ZNF584: variants seen among roughly 807,000 people sequenced by gnomAD.
The protein encoded by ZNF584 is zinc finger protein 584.
ZNF584 carries 12 observed loss-of-function variants against 14.7 expected under a neutral mutation model. The ratio of observed to expected loss-of-function variants is 0.82; its 90% CI spans 0.52 to 1.32. The LOEUF (loss-of-function observed/expected upper bound fraction) is 1.32, where lower values mean the gene tolerates loss of function less well. ZNF584 is among the 40% of genes most tolerant of loss of function. The probability of loss-of-function intolerance (pLI) is 0.00; values close to 1 mark genes in which losing one functional copy is unlikely to be tolerated. For synonymous variants in ZNF584, 204 were observed against 190.9 expected, an observed-to-expected ratio of 1.07 and a Z score of -0.57; for missense variants, 478 against 518.8, an observed-to-expected ratio of 0.92 and a Z score of 0.76.
rs573876905 is a variant in ZNF584, at chr19:58,410,053, A to T, written c.131A>T (p.Asp44Val). 3.7e-6 allele frequency: 6 copies of T among 1,613,638 alleles called. No individual in the cohort carries two copies. In the Admixed American group the frequency reaches 1.0e-4, roughly 27 times the overall value. The change falls in exon 2 of 4, where the codon GAT (aspartate) becomes GTT (valine). Residue 44 changes from aspartate to valine, a missense_variant. Asp to Val is a radical substitution (Grantham distance 152). Transcript: ENST00000306910. ...GTGACCCAGAAGGGCCTATACCGGG[A>T]TGTGATGCTGGAGAACTTTGCACTC... Reference protein sequence around the residue: ...LNVTQKGLYRDVMLENFALVS... With the variant: ...LNVTQKGLYRVVMLENFALVS...
chr19:58,417,415 G>A lies in ZNF584; in HGVS notation c.897G>A (p.Glu299=). The part of the protein sequence containing the change: ...RKVHIGERPY[E]CTECGKFFKY... ...TGCACATTGGAGAAAGGCCCTATGA[G>A]TGTACAGAATGTGGGAAGTTCTTTA... is the stretch of plus-strand genomic sequence containing the variant. The change falls in exon 4 of 4, where the codon GAG becomes GAA. Residue 299 remains glutamate, a synonymous_variant. Coordinates refer to ENST00000306910, the MANE Select transcript of ZNF584 (RefSeq NM_173548.3). The A allele has an allele frequency of 6.2e-7, 1 of 1,603,818 alleles. No individual in the cohort carries two copies. The highest frequency in any genetic ancestry group is 8.5e-7 in the Non-Finnish European group (1 of 1,171,500).
At chr19:58,413,988 T>TG (rs891265839) in intron 2 of ZNF584, among the ~76,000 whole-genome samples, 9 of 151,262 alleles carry the variant, frequency 5.9e-5, no homozygotes, top group Non-Finnish European at 8.9e-5. Context: ...CTGGCTAATT[T>TG]TTTTTTGTAT....
rs916813135 is a variant in ZNF584, at chr19:58,417,854, C to T, written c.*70C>T. 7.2e-6 allele frequency: 11 copies of T among 1,523,726 alleles called. No homozygotes were observed. The highest frequency in any genetic ancestry group is 5.2e-5 in the South Asian group (4 of 76,514). The allele number at this position is 1,523,726 out of a possible 1,614,324, so 94.4% of individuals were successfully genotyped here. On this transcript the variant is annotated 3_prime_UTR_variant, in exon 4 of 4. Coordinates refer to ENST00000306910, the MANE Select transcript of ZNF584 (RefSeq NM_173548.3). ...GGAGAGTGGCCGTGAGAGTGCCATC[C>T]GAAAGAAGCTAAACCTTGCACATCC...
chr19:58,413,512 A>AT (rs766038598), intron 2 of ZNF584, among the ~76,000 whole-genome samples: 3,182 of 135,824 alleles, frequency 0.023, 46 homozygotes, highest in Non-Finnish European at 0.034. Flanking sequence ...TGCCTGGCTA[A>AT]TTTTTTTTTT....
At chr19:58,413,015 A>T (rs982715295) in intron 2 of ZNF584, among the ~76,000 whole-genome samples, 2 of 152,112 alleles carry the variant, frequency 1.3e-5, no homozygotes, top group African/African-American at 4.8e-5. Context: ...ATTCCTGTTC[A>T]AAGTAGTATT....
chr19:58,407,866 G>A (rs2052487526), upstream of ZNF584, among the ~76,000 whole-genome samples: 1 of 152,172 alleles, frequency 6.6e-6, no homozygotes, highest in Admixed American at 6.5e-5. Flanking sequence ...GACGTACTCA[G>A]CCATGTACTC....
chr19:58,401,680 G>A (rs2052431722), intron 1 of ZNF584: 1 of 150,660 alleles, frequency 6.6e-6, no homozygotes, highest in African/African-American at 2.4e-5. Context: ...GCAAGCGAGA[G>A]ACCAGTCCCT....
chr19:58,410,887 G>T (rs1211199172), intron 2 of ZNF584, among the ~76,000 whole-genome samples: 1 of 135,048 alleles, frequency 7.4e-6, no homozygotes, highest in East Asian at 2.5e-4. Context: ...TGCCTCCAGG[G>T]TTCAAGCGAT....
At chr19:58,401,772 T>C (rs991323915) in intron 1 of ZNF584, 22 of 149,068 alleles carry the variant, frequency 1.5e-4, no homozygotes, top group African/African-American at 5.0e-4. Flanking sequence ...CCCGCGGGCT[T>C]AAGTTGTCTG....
chr19:58,416,000 C>T (rs910237599), intron 3 of ZNF584: 12 of 1,570,400 alleles, frequency 7.6e-6, no homozygotes, highest in Non-Finnish European at 1.0e-5. Context: ...ATTTTGGAAT[C>T]ACATTTTGCT....
intron 3 of ZNF584, 127 bp downstream of exon 3, chr19:58,415,773 C>G (rs774412840): frequency 9.9e-6 from 16 of 1,611,504 alleles, no homozygotes; most frequent in Non-Finnish European, 1.4e-5. Flanking sequence ...CCTTTCCTGT[C>G]TTATGTGGAC....
intron 2 of ZNF584, among the ~76,000 whole-genome samples, chr19:58,410,675 G>GTATATATGTATATATGTGTA (rs1555785614): frequency 4.1e-5 from 2 of 48,890 alleles, no homozygotes; most frequent in East Asian, 3.5e-4. Flanking sequence ...GTATATATGT[G>GTATATATGTATATATGTGTA]TATATATATG....
At chr19:58,406,302 G>A (rs1278027622), upstream of ZNF584, 12 of 139,762 alleles carry the variant, frequency 8.6e-5, no homozygotes, top group Non-Finnish European at 1.4e-4. Flanking sequence ...CAGCAGTACC[G>A]TCCAGCTTCG....
chr19:58,412,341 C>CT (rs1414437571), intron 2 of ZNF584, among the ~76,000 whole-genome samples: 1 of 151,406 alleles, frequency 6.6e-6, no homozygotes, highest in Non-Finnish European at 1.5e-5. Context: ...TCCCGAGTAG[C>CT]TGGGACTACA....
In ZNF584 at chr19:58,418,047, C is replaced by G. The variant is rs1384150391; in HGVS notation, c.*263C>G. On this transcript the variant is annotated 3_prime_UTR_variant, in exon 4 of 4. Coordinates refer to ENST00000306910, the MANE Select transcript of ZNF584 (RefSeq NM_173548.3). ...CATAAGGTCCCTACAGCAAGTGGGACAGCAGACCTTGTGCTCCTTGCTCTA... is the reference window on the plus strand; with the variant it reads ...CATAAGGTCCCTACAGCAAGTGGGAGAGCAGACCTTGTGCTCCTTGCTCTA... 5 of 496,130 alleles carry G rather than the reference C, an allele frequency of 1.0e-5. No homozygotes were observed. The highest frequency in any genetic ancestry group is 1.8e-5 in the Non-Finnish European group (5 of 277,524). The allele number at this position is 496,130 out of a possible 1,614,324, so 30.7% of individuals were successfully genotyped here.
chr19:58,408,997 T>G lies in ZNF584; in HGVS notation c.-151T>G. The G allele has an allele frequency of 9.9e-7, 1 of 1,006,622 alleles. No homozygotes were observed. Among genetic ancestry groups the G allele is most frequent in the South Asian group, 1.9e-5 (1 of 51,942 alleles). The allele number at this position is 1,006,622 out of a possible 1,614,324, so 62.4% of individuals were successfully genotyped here. A position where few individuals can be genotyped will look rare whatever the true frequency, so the allele number is the denominator to read the frequency against. ...CCGTACCGTCCTCCTTCCCAGCGGC[T>G]CCGGGAAGCGGTTCCCTGTCTTCGG... On this transcript the variant is annotated 5_prime_UTR_variant, in exon 1 of 4. Transcript: ENST00000306910.
At chr19:58,401,741 T>C (rs2052432309) in intron 1 of ZNF584, 1 of 147,850 alleles carries the variant, frequency 6.8e-6, no homozygotes, top group African/African-American at 2.5e-5. Context: ...GACGAGTCTG[T>C]GGCACAGACT....
chr19:58,416,934 C>G lies in ZNF584; in HGVS notation c.416C>G (p.Ala139Gly), dbSNP rs2052650617. The G allele has an allele frequency of 1.2e-6, 2 of 1,613,122 alleles. No homozygotes were observed. Among genetic ancestry groups the G allele is most frequent in the Non-Finnish European group, 1.7e-6 (2 of 1,179,478 alleles). Residue 139 changes from alanine (A) to glycine (G), a missense_variant, in exon 4 of 4, where the codon GCT becomes GGT. Around this residue, in one of 3 missense-constraint regions of ZNF584, gnomAD observed 189 missense variants for 177.9 expected, o/e 1.06. Transcript: ENST00000306910. ...AGAAGGCACACTGAGCATGGGGCAG[C>G]TTTCCCACCTGGTTCCAGTTGTGGG... ...KPRRHTEHGA[A>G]FPPGSSCGQQ...
intron 2 of ZNF584, among the ~76,000 whole-genome samples, chr19:58,410,645 GTGTATA>G (rs1431118794): frequency 0.02 from 540 of 26,916 alleles, 113 homozygotes; most frequent in Admixed American, 0.032. Context: ...GTATATATAT[GTGTATA>G]TATGTGTATA....
Sources: allele counts gnomAD v4.1 joint callset (sites outside exome capture counted in the v4.1 genomes callset), GRCh38; gene constraint gnomAD v4.1.1; regional missense constraint gnomAD v4.1.1; transcripts MANE v1.5; gene names NCBI Gene and HGNC (gene_info 2026-07-23, HGNC 2026-07-21).